PTPRM: variants seen among roughly 807,000 people sequenced by gnomAD.
PTPRM encodes the protein protein tyrosine phosphatase receptor type M, also known as receptor-type tyrosine-protein phosphatase mu.
PTPRM carries 47 observed loss-of-function variants against 186.7 expected under a neutral mutation model. The ratio of observed to expected loss-of-function variants is 0.25; its 90% CI spans 0.20 to 0.32. PTPRM has a LOEUF of 0.32. Among genes scored for constraint, PTPRM ranks in the 10% least tolerant of loss-of-function variants. The pLI, the probability that PTPRM is intolerant of heterozygous loss-of-function variation, is 1.00. For synonymous variants in PTPRM, 668 were observed against 674.9 expected (o/e 0.99, Z 0.16); for missense variants, 1,494 against 1,865.0 (o/e 0.80, Z 3.66).
chr18:7,870,739 C>T (rs377111321), intron 2 of PTPRM, among the ~76,000 whole-genome samples: 57 of 152,046 alleles, frequency 3.7e-4, no homozygotes, highest in Middle Eastern at 3.4e-3. Context: ...TTTTCCTCAA[C>T]GATTTAAAAA....
chr18:7,961,528 A>G (rs1017738214), intron 7 of PTPRM, among the ~76,000 whole-genome samples: 1 of 152,252 alleles, frequency 6.6e-6, no homozygotes, highest in African/African-American at 2.4e-5. Context: ...CTTAGAGACT[A>G]TAAGCACTGA....
intron 17 of PTPRM, among the ~76,000 whole-genome samples, chr18:8,248,582 A>G (rs1298483784): frequency 2.0e-5 from 3 of 152,178 alleles, no homozygotes; most frequent in Non-Finnish European, 4.4e-5. Context: ...CATTATTTTC[A>G]CTTATTGCTA....
rs903216470 is a variant in PTPRM, at chr18:8,113,726, A to C, written c.2097A>C (p.Arg699Ser). The change falls in exon 12 of 33, where the codon AGA becomes AGC. Residue 699 changes from arginine (R) to serine (S), a missense_variant. By Grantham distance (110) the Arg-to-Ser change is moderately radical. Coordinates refer to ENST00000580170, the MANE Select transcript of PTPRM (RefSeq NM_001105244.2). ...CCCTTCTCCCCTATAAAAGCTACAG[A>C]ATTTATTTCCAAGCTGCTAGTAGAG... ...NTPLLPYKSY[R>S]IYFQAASRAN... 8.1e-6 allele frequency: 13 copies of C among 1,613,606 alleles called. No homozygotes were observed. The African/African-American group carries it at 1.6e-4, about 20-fold the overall frequency.
intron 19 of PTPRM, among the ~76,000 whole-genome samples, chr18:8,281,939 A>G (rs1300949611): frequency 1.3e-5 from 2 of 152,206 alleles, no homozygotes; most frequent in African/African-American, 2.4e-5. Context: ...TTAAAGAAGA[A>G]AATCAAGAAA....
At position 8,048,281 on chromosome 18, in the gene PTPRM, CT is replaced by C. The variant is rs552799646; in HGVS notation, c.1133-21395del. Among the ~76,000 whole-genome samples, 65 of 148,882 alleles carry C rather than the reference CT, an allele frequency of 4.4e-4. 1 individual carries two copies. The highest frequency in any genetic ancestry group is 1.1e-3 in the Admixed American group (17 of 14,868). ...AAACTGCTCTTTATTAAGGAGCAAGCTTTTTTTTTTCTTAAGTTGTTTTATT... is the reference window on the plus strand; with the variant it reads ...AAACTGCTCTTTATTAAGGAGCAAGCTTTTTTTTTCTTAAGTTGTTTTATT... On this transcript the variant is annotated intron_variant, in intron 7 of 32. Coordinates refer to ENST00000580170, the MANE Select transcript of PTPRM (RefSeq NM_001105244.2).
intron 24 of PTPRM, among the ~76,000 whole-genome samples, chr18:8,375,320 C>CA (rs1200817243): frequency 6.6e-6 from 1 of 152,202 alleles, no homozygotes; most frequent in African/African-American, 2.4e-5. Context: ...TTGCCACAAG[C>CA]AGACTGTGAC....
At chr18:7,947,233 T>C (rs1194501431) in intron 5 of PTPRM, among the ~76,000 whole-genome samples, 1 of 152,210 alleles carries the variant, frequency 6.6e-6, no homozygotes, top group Non-Finnish European at 1.5e-5. Context: ...GGAATTGTTA[T>C]GGCTGTGTCC....
At chr18:8,153,694 A>T (rs955876179) in intron 14 of PTPRM, among the ~76,000 whole-genome samples, 2 of 152,322 alleles carry the variant, frequency 1.3e-5, no homozygotes, top group African/African-American at 4.8e-5. Context: ...TTTTTACCAA[A>T]TTTCAAGTCT....
intron 3 of PTPRM, among the ~76,000 whole-genome samples, chr18:7,900,544 GGTGT>G (rs533423695): frequency 2.0e-5 from 3 of 150,662 alleles, no homozygotes; most frequent in African/African-American, 4.9e-5. Context: ...TACATTAAAA[GGTGT>G]GTGTGTGTGT....
At chr18:8,238,649 GTGTTTTT>G (rs2147227944) in intron 14 of PTPRM, among the ~76,000 whole-genome samples, 1 of 73,698 alleles carries the variant, frequency 1.4e-5, no homozygotes, top group African/African-American at 4.2e-5. Context: ...ACTGTTTTGT[GTGTTTTT>G]TTTTTTTTTT....
At position 8,394,490 on chromosome 18, in the gene PTPRM, G is replaced by A. The variant is rs576708975; in HGVS notation, c.4223G>A (p.Arg1408His). 2.5e-5 allele frequency: 40 copies of A among 1,611,206 alleles called. No individual in the cohort carries two copies. The highest frequency in any genetic ancestry group is 5.0e-5 in the Admixed American group (3 of 59,662). ...TTTCACGACAGGAACGGGGGAGGCC[G>A]CAGTGGGACGTTCTGCGCCATCAGC... ...TVVHCLNGGG[R>H]SGTFCAISIV... The change falls in exon 32 of 33, where the codon CGC (arginine) becomes CAC (histidine). Residue 1408 changes from arginine (R) to histidine (H), a missense_variant. Arg to His is a conservative substitution (Grantham distance 29). Transcript: ENST00000580170.
At chr18:8,084,342 C>T (rs898734233) in intron 9 of PTPRM, among the ~76,000 whole-genome samples, 1 of 152,144 alleles carries the variant, frequency 6.6e-6, no homozygotes, top group African/African-American at 2.4e-5. Context: ...AATCATACAG[C>T]GGTTACATCG....
At chr18:7,764,444 C>T (rs1411032233) in intron 1 of PTPRM, among the ~76,000 whole-genome samples, 1 of 152,168 alleles carries the variant, frequency 6.6e-6, no homozygotes, top group African/African-American at 2.4e-5. Flanking sequence ...ATCTCTGGAG[C>T]ACTCTTTCTG....
chr18:7,923,293 A>G (rs1171949843), intron 4 of PTPRM, among the ~76,000 whole-genome samples: 2 of 152,122 alleles, frequency 1.3e-5, no homozygotes, highest in Non-Finnish European at 2.9e-5. Context: ...TGGGAAATCC[A>G]CTGGAGAGAC....
intron 11 of PTPRM, among the ~76,000 whole-genome samples, chr18:8,110,094 C>A (rs923723143): frequency 1.1e-4 from 16 of 152,106 alleles, no homozygotes; most frequent in Admixed American, 5.2e-4. Context: ...GTGTAATATA[C>A]CCCCAAACCA....
chr18:7,826,057 C>T (rs752974229), intron 2 of PTPRM, among the ~76,000 whole-genome samples: 1 of 152,096 alleles, frequency 6.6e-6, no homozygotes, highest in Non-Finnish European at 1.5e-5. Context: ...GGATGGCATC[C>T]CCGTCAACCT....
intron 7 of PTPRM, among the ~76,000 whole-genome samples, chr18:8,057,131 G>C (rs1415670891): frequency 6.7e-6 from 1 of 149,632 alleles, no homozygotes; most frequent in Non-Finnish European, 1.5e-5. Context: ...TATAATAAAA[G>C]TACAAAACCA....
At chr18:7,906,389 CATGA>C (rs2049984424) in intron 3 of PTPRM, 112 bp from the exon 4 acceptor site, 2 of 761,254 alleles carry the variant, frequency 2.6e-6, no homozygotes, top group East Asian at 2.7e-5. Flanking sequence ...ATGTTACGTA[CATGA>C]ATGAATGAAT....
chr18:7,710,523 A>T, intron 1 of PTPRM, among the ~76,000 whole-genome samples: 1 of 152,204 alleles, frequency 6.6e-6, no homozygotes, highest in East Asian at 1.9e-4. Context: ...CCTATTCAAC[A>T]CAGTAATGGA....
Sources: gnomAD v4.1 joint callset for allele counts (sites outside exome capture counted in the v4.1 genomes callset) on GRCh38, gnomAD v4.1.1 for gene constraint, MANE v1.5 for transcripts, NCBI Gene and HGNC (gene_info 2026-07-23, HGNC 2026-07-21) for gene names.